The following STARD9 variants were observed in gnomAD, a reference collection of about 807,000 sequenced individuals.
The protein encoded by STARD9 is StAR related lipid transfer domain containing 9, also known as stAR-related lipid transfer protein 9.
STARD9 carries 346 observed loss-of-function variants against 399.8 expected under a neutral mutation model. The ratio of observed to expected loss-of-function variants is 0.87; its 90% CI spans 0.79 to 0.95. The LOEUF (loss-of-function observed/expected upper bound fraction) is 0.95, where lower values mean the gene tolerates loss of function less well. Ranked by LOEUF, STARD9 falls within the 40% of genes least tolerant of loss-of-function variation. The pLI is 0.00. For missense variants in STARD9, 5,832 were observed against 5,667.5 expected (o/e 1.03, Z -0.93); for synonymous variants, 2,203 against 2,143.5 (o/e 1.03, Z -0.77).
At position 42,669,256 on chromosome 15, in the gene STARD9, G is replaced by A. The variant is rs919520469; in HGVS notation, c.1416G>A (p.Val472=). ...SVDINRRRAG[V]VIDSSLPHLM... The stretch of plus-strand genomic sequence containing the variant: ...ACATCAACAGGAGGAGGGCTGGGGT[G>A]GTCATCGACTCCAGCCTGCCACACT... The change falls in exon 16 of 33, where the codon GTG becomes GTA. Residue 472 remains valine (V), a synonymous_variant. Coordinates refer to ENST00000290607, the MANE Select transcript of STARD9 (RefSeq NM_020759.3). The A allele has an allele frequency of 2.0e-6, 3 of 1,536,884 alleles. No individual in the cohort carries two copies. The African/African-American group carries it at 4.1e-5, about 21-fold the overall frequency.
intron 9 of STARD9, among the ~76,000 whole-genome samples, chr15:42,657,458 A>G (rs1489511537): frequency 6.6e-6 from 1 of 152,212 alleles, no homozygotes; most frequent in Non-Finnish European, 1.5e-5. Flanking sequence ...CAACATTTAT[A>G]AATGTATGCA....
At chr15:42,654,417 T>C (rs1163566435) in intron 9 of STARD9, among the ~76,000 whole-genome samples, 1 of 151,936 alleles carries the variant, frequency 6.6e-6, no homozygotes, top group Non-Finnish European at 1.5e-5. Context: ...ATAGTAACCA[T>C]AAGTCCTAGC....
chr15:42,589,428 C>G (rs1186417229), intron 3 of STARD9, among the ~76,000 whole-genome samples: 1 of 152,100 alleles, frequency 6.6e-6, no homozygotes, highest in Admixed American at 6.5e-5. Context: ...AATAGTCTAT[C>G]ATCCCAAAAA....
Position 42,682,320 on chromosome 15 carries a change from G to A in STARD9, c.2282G>A (p.Arg761Gln), listed in dbSNP as rs950800511. The change falls in exon 22 of 33, where the codon CGG (arginine) becomes CAG (glutamine). Residue 761 changes from arginine (R) to glutamine (Q), a missense_variant. By Grantham distance (43) the Arg-to-Gln change is conservative. Around this residue, in one of 2 missense-constraint regions of STARD9, gnomAD observed 5,828 missense variants for 5,651.1 expected, o/e 1.03. Coordinates refer to ENST00000290607, the MANE Select transcript of STARD9 (RefSeq NM_020759.3). ...AGACACACTCTTCGGGCAGCAGAGCGGAATGTCCGGCGGAAAAAGGTCTCA... is the reference window on the plus strand; with the variant it reads ...AGACACACTCTTCGGGCAGCAGAGCAGAATGTCCGGCGGAAAAAGGTCTCA... ...LRRHTLRAAE[R>Q]NVRRKKVSFQ... The A allele has an allele frequency of 8.5e-6, 13 of 1,537,264 alleles. No individual in the cohort carries two copies. The highest frequency in any genetic ancestry group is 2.4e-5 in the East Asian group (1 of 40,920).
At chr15:42,631,866 T>G (rs1026956212) in intron 3 of STARD9, among the ~76,000 whole-genome samples, 4 of 152,148 alleles carry the variant, frequency 2.6e-5, no homozygotes, top group Non-Finnish European at 5.9e-5. Flanking sequence ...GAACATATGG[T>G]CTATTCTTGA....
intron 3 of STARD9, among the ~76,000 whole-genome samples, chr15:42,626,420 C>T (rs2059222054): frequency 6.8e-6 from 1 of 148,112 alleles, no homozygotes; most frequent in African/African-American, 2.5e-5. Context: ...CCTCCTCCTC[C>T]TCCTCTTCTT....
rs139887123 is a variant in STARD9 at position 42,714,358 on chromosome 15, G to A, written c.13285-2319G>A. On this transcript the variant is annotated intron_variant, in intron 26 of 32. Coordinates refer to ENST00000290607, the MANE Select transcript of STARD9 (RefSeq NM_020759.3). ...TGGGATTACAGGCGTGAGCCATCCC[G>A]CCCGGCCTGTACTAAGATGTTTTAT... Among the ~76,000 whole-genome samples, 21 of 152,156 alleles carry A rather than the reference G, an allele frequency of 1.4e-4. No homozygotes were observed. The South Asian group carries it at 2.9e-3, about 21-fold the overall frequency.
At chr15:42,638,496 ACT>A (rs1322696966) in intron 6 of STARD9, among the ~76,000 whole-genome samples, 5 of 152,112 alleles carry the variant, frequency 3.3e-5, no homozygotes, top group East Asian at 3.9e-4. Flanking sequence ...ACAGAGCGAG[ACT>A]CTGTCTCAAA....
intron 3 of STARD9, among the ~76,000 whole-genome samples, chr15:42,615,547 A>G (rs2058945844): frequency 6.8e-6 from 1 of 146,080 alleles, no homozygotes; most frequent in African/African-American, 2.7e-5. Context: ...AAAACATCCC[A>G]TATATATATA....
chr15:42,668,148 T>C (rs1012232327), intron 15 of STARD9, among the ~76,000 whole-genome samples: 1 of 152,214 alleles, frequency 6.6e-6, no homozygotes, highest in Non-Finnish European at 1.5e-5. Flanking sequence ...GAGGGGCAGC[T>C]GTGCCAGGTT....
chr15:42,696,009 C>T, intron 26 of STARD9, 129 bp downstream of exon 26: 1 of 935,336 alleles, frequency 1.1e-6, no homozygotes, highest in Non-Finnish European at 1.5e-6. Flanking sequence ...TGACATGAGC[C>T]CTTCTTATGT....
chr15:42,699,542 C>T (rs931747816), intron 26 of STARD9, among the ~76,000 whole-genome samples: 15 of 151,174 alleles, frequency 9.9e-5, no homozygotes, highest in Admixed American at 4.6e-4. Flanking sequence ...TACAGGTGCC[C>T]GCCACCACGC....
At chr15:42,633,809 A>AT (rs1299487678) in intron 3 of STARD9, among the ~76,000 whole-genome samples, 1 of 151,564 alleles carries the variant, frequency 6.6e-6, no homozygotes, top group African/African-American at 2.4e-5. Flanking sequence ...TGCCTGGGTA[A>AT]TTTTTTGTAT....
intron 3 of STARD9, among the ~76,000 whole-genome samples, chr15:42,589,356 T>C (rs1196989379): frequency 6.6e-6 from 1 of 152,110 alleles, no homozygotes; most frequent in Non-Finnish European, 1.5e-5. Context: ...TTGGCCAAAT[T>C]CACCTTTTTA....
Position 42,689,013 on chromosome 15 carries a change from CT to C in STARD9, c.7436del (p.Leu2479ArgfsTer39). ...AVQKEIRVSS[L>X]NKVSSQPEKR... Reference sequence around the variant, plus strand: ...ACAAAAAGAAATAAGAGTCAGTTCACTGAACAAGGTCTCTAGCCAGCCTGAA... The same window carrying C: ...ACAAAAAGAAATAAGAGTCAGTTCACGAACAAGGTCTCTAGCCAGCCTGAA... On this transcript the variant is annotated frameshift_variant, in exon 23 of 33. Coordinates refer to ENST00000290607, the MANE Select transcript of STARD9 (RefSeq NM_020759.3). LOFTEE classifies it high-confidence loss of function. 1 of 1,537,342 alleles carries C rather than the reference CT, an allele frequency of 6.5e-7. No individual in the cohort carries two copies. Among genetic ancestry groups the C allele is most frequent in the Non-Finnish European group, 8.7e-7 (1 of 1,146,944 alleles).
rs1487882140 is a variant in STARD9 at position 42,694,350 on chromosome 15, C to T, written c.12764+8C>T. The T allele has an allele frequency of 2.0e-6, 3 of 1,531,842 alleles. No individual in the cohort carries two copies. Among genetic ancestry groups the T allele is most frequent in the Non-Finnish European group, 2.6e-6 (3 of 1,144,026 alleles). 94.9% of individuals were successfully genotyped at this position (1,531,842 alleles called of 1,614,324 possible). ...GAAGGAGCTCTATGCACGGTAAGGACCCCCAGCCTGGAGTCGGGAGGGGAA... is the reference window on the plus strand; with the variant it reads ...GAAGGAGCTCTATGCACGGTAAGGATCCCCAGCCTGGAGTCGGGAGGGGAA... On this transcript the variant is annotated splice_region_variant and intron_variant, in intron 23 of 32. Coordinates refer to ENST00000290607, the MANE Select transcript of STARD9 (RefSeq NM_020759.3).
At chr15:42,577,080 T>C (rs559581445) in intron 1 of STARD9, among the ~76,000 whole-genome samples, 1 of 152,308 alleles carries the variant, frequency 6.6e-6, no homozygotes, top group Admixed American at 6.5e-5. Context: ...CTTTTAGGGT[T>C]CTCAGGATAA....
At chr15:42,681,800 G>A (rs541065625) in intron 21 of STARD9, among the ~76,000 whole-genome samples, 188 bp downstream of exon 21, 1 of 152,192 alleles carries the variant, frequency 6.6e-6, no homozygotes, top group East Asian at 1.9e-4. Flanking sequence ...GAATAAGGAC[G>A]CTAATTTCCT....
chr15:42,592,540 T>C (rs145867550), intron 3 of STARD9, among the ~76,000 whole-genome samples: 149 of 152,008 alleles, frequency 9.8e-4, no homozygotes, highest in African/African-American at 3.4e-3. Flanking sequence ...CGCCTTCCGG[T>C]TTCTAGCAAT....
Sources: gnomAD v4.1 joint callset for allele counts (sites outside exome capture counted in the v4.1 genomes callset) on GRCh38, gnomAD v4.1.1 for gene constraint, gnomAD v4.1.1 regional missense constraint, MANE v1.5 for transcripts, NCBI Gene and HGNC (gene_info 2026-07-23, HGNC 2026-07-21) for gene names.